PTPRK: variants seen among roughly 807,000 people sequenced by gnomAD.
PTPRK encodes protein tyrosine phosphatase receptor type K, also known as receptor-type tyrosine-protein phosphatase kappa.
PTPRK carries 75 observed loss-of-function variants against 178.0 expected under a neutral mutation model. The ratio of observed to expected loss-of-function variants is 0.42; its 90% CI spans 0.35 to 0.51. The LOEUF is 0.51. Among genes scored for constraint, PTPRK ranks in the 20% least tolerant of loss-of-function variants. The pLI is 0.02. For synonymous variants in PTPRK, 637 were observed against 620.6 expected (o/e 1.03, Z -0.39); for missense variants, 1,441 against 1,797.8 (o/e 0.80, Z 3.59).
At chr6:128,339,159 T>C (rs1231959439) in intron 2 of PTPRK, among the ~76,000 whole-genome samples, 3 of 152,132 alleles carry the variant, frequency 2.0e-5, no homozygotes, top group African/African-American at 7.2e-5. Context: ...TTCAGTAAAA[T>C]ACTACAGAGG....
intron 1 of PTPRK, among the ~76,000 whole-genome samples, chr6:128,458,026 A>C (rs1367813861): frequency 6.6e-6 from 1 of 152,178 alleles, no homozygotes; most frequent in East Asian, 1.9e-4. Context: ...TCAAATATAC[A>C]AATAGTAGAG....
chr6:128,506,280 T>A (rs1856324679), intron 1 of PTPRK, among the ~76,000 whole-genome samples: 1 of 152,206 alleles, frequency 6.6e-6, no homozygotes, highest in Non-Finnish European at 1.5e-5. Flanking sequence ...GGCAGAGATT[T>A]CATTCCTCCA....
intron 5 of PTPRK, among the ~76,000 whole-genome samples, chr6:128,239,125 GTTTTTTTT>G (rs71833785): frequency 1.0e-5 from 1 of 98,780 alleles, no homozygotes; most frequent in African/African-American, 3.2e-5. Flanking sequence ...AACTCATCTT[GTTTTTTTT>G]TTTTTTTTTT....
At chr6:128,449,653 G>T (rs1325930555) in intron 1 of PTPRK, among the ~76,000 whole-genome samples, 1 of 152,084 alleles carries the variant, frequency 6.6e-6, no homozygotes, top group African/African-American at 2.4e-5. Flanking sequence ...TTAACCAAGG[G>T]TAGGAATAAA....
At chr6:128,210,929 A>G (rs1398350597) in intron 6 of PTPRK, among the ~76,000 whole-genome samples, 1 of 152,144 alleles carries the variant, frequency 6.6e-6, no homozygotes, top group Non-Finnish European at 1.5e-5. Context: ...CATCATAGCT[A>G]AATCTATGAC....
intron 3 of PTPRK, among the ~76,000 whole-genome samples, chr6:128,272,651 T>A (rs899724964): frequency 4.6e-5 from 7 of 152,084 alleles, no homozygotes; most frequent in African/African-American, 1.4e-4. Flanking sequence ...AATCAAAACC[T>A]CAATGAGATG....
chr6:128,475,597 C>T (rs1288849109), intron 1 of PTPRK, among the ~76,000 whole-genome samples: 1 of 151,938 alleles, frequency 6.6e-6, no homozygotes, highest in Non-Finnish European at 1.5e-5. Flanking sequence ...AGAACCAAGG[C>T]CAACTGGCAA....
At chr6:128,054,830 A>G (rs1480633547) in intron 13 of PTPRK, among the ~76,000 whole-genome samples, 1 of 152,212 alleles carries the variant, frequency 6.6e-6, no homozygotes, top group Admixed American at 6.5e-5. Flanking sequence ...AGAAGAATGA[A>G]CCACGGACTA....
chr6:128,022,379 C>T (rs1381300436), intron 13 of PTPRK, among the ~76,000 whole-genome samples: 4 of 152,048 alleles, frequency 2.6e-5, no homozygotes, highest in East Asian at 1.9e-4. Flanking sequence ...ACTTTTGGTC[C>T]CTTACGTTTC....
At chr6:128,500,800 A>G (rs36120502) in intron 1 of PTPRK, 10,736 of 152,184 alleles carry the variant, frequency 0.071, 761 homozygotes, top group African/African-American at 0.19. Context: ...AGGAATCTTT[A>G]TTATGAAATC....
Position 128,089,973 on chromosome 6 carries a change from C to A in PTPRK, c.1182G>T (p.Lys394Asn), listed in dbSNP as rs1302345755. 1 of 1,605,758 alleles carries A rather than the reference C, an allele frequency of 6.2e-7. No individual in the cohort carries two copies. Residue 394 changes from lysine (K) to asparagine (N), a missense_variant, in exon 8 of 30, where the codon AAG becomes AAT. Coordinates refer to ENST00000368226, the MANE Select transcript of PTPRK (RefSeq NM_002844.4). ...TKCAEPMRTP[K>N]TLKIAEIQAR... ...CCTGTATTTCAGCAATCTTTAATGT[C>A]TTTGGGGTTCTCATAGGTTCTGAAA...
intron 2 of PTPRK, among the ~76,000 whole-genome samples, chr6:128,333,642 G>C (rs1830553476): frequency 6.6e-6 from 1 of 152,146 alleles, no homozygotes; most frequent in Non-Finnish European, 1.5e-5. Flanking sequence ...CTCTGGATTA[G>C]GCTTTGGCTT....
intron 7 of PTPRK, among the ~76,000 whole-genome samples, chr6:128,140,631 A>G (rs1795643969): frequency 6.6e-6 from 1 of 152,014 alleles, no homozygotes; most frequent in African/African-American, 2.4e-5. Flanking sequence ...ATTTATGCTC[A>G]GAATTATCAT....
intron 8 of PTPRK, among the ~76,000 whole-genome samples, chr6:128,089,103 C>T (rs1030362163): frequency 5.3e-5 from 8 of 152,090 alleles, no homozygotes; most frequent in Admixed American, 2.0e-4. Flanking sequence ...CTGAGATTGG[C>T]AGGCACCCGC....
intron 5 of PTPRK, among the ~76,000 whole-genome samples, chr6:128,239,125 G>GTTTTTTTTTTTTTTTTTTTTTTT (rs71833785): frequency 1.0e-5 from 1 of 98,780 alleles, no homozygotes; most frequent in African/African-American, 3.2e-5. Flanking sequence ...AACTCATCTT[G>GTTTTTTTTTTTTTTTTTTTTTTT]TTTTTTTTTT....
intron 3 of PTPRK, among the ~76,000 whole-genome samples, chr6:128,273,327 G>A (rs146076102): frequency 4.1e-4 from 62 of 151,970 alleles, no homozygotes; most frequent in African/African-American, 1.4e-3. Context: ...CCTGCACTTT[G>A]TGCACATGTA....
At chr6:128,315,930 C>T (rs1366253539) in intron 3 of PTPRK, among the ~76,000 whole-genome samples, 1 of 152,068 alleles carries the variant, frequency 6.6e-6, no homozygotes, top group Non-Finnish European at 1.5e-5. Flanking sequence ...AGAGTTCACA[C>T]AAAAATTCAA....
chr6:128,228,866 T>C (rs1236753434), intron 5 of PTPRK, among the ~76,000 whole-genome samples: 1 of 152,152 alleles, frequency 6.6e-6, no homozygotes, highest in Non-Finnish European at 1.5e-5. Context: ...ACACCAAGGC[T>C]TTATAGTGAC....
At chr6:128,293,066 A>G (rs1202582610) in intron 3 of PTPRK, among the ~76,000 whole-genome samples, 1 of 152,088 alleles carries the variant, frequency 6.6e-6, no homozygotes, top group Non-Finnish European at 1.5e-5. Context: ...TTTTTTCTTT[A>G]TAAAATGAAC....
Sources: gnomAD v4.1 joint callset for allele counts (sites outside exome capture counted in the v4.1 genomes callset) on GRCh38, gnomAD v4.1.1 for gene constraint, MANE v1.5 for transcripts, NCBI Gene and HGNC (gene_info 2026-07-23, HGNC 2026-07-21) for gene names.